Variants in NELL1 observed in about 807,000 individuals in gnomAD.
NELL1 encodes the protein protein kinase C-binding protein NELL1.
In NELL1, 76 loss-of-function variants were observed where a neutral mutation model predicts 107.4. The observed-to-expected ratio is 0.71, with a 90% CI of 0.59 to 0.86. The LOEUF is 0.86. Among genes scored for constraint, NELL1 ranks in the 40% least tolerant of loss-of-function variants. The pLI is 0.00. For missense variants in NELL1, 1,024 were observed against 1,005.5 expected (o/e 1.02, Z -0.25); for synonymous variants, 353 against 341.2 (o/e 1.03, Z -0.38).
At chr11:21,126,289 C>A (rs1008146786) in intron 13 of NELL1, among the ~76,000 whole-genome samples, 8 of 152,124 alleles carry the variant, frequency 5.3e-5, no homozygotes, top group Admixed American at 1.3e-4. Context: ...AGACCAAAAT[C>A]TCAGAAATCA....
chr11:21,522,970 G>A (rs927503856), intron 15 of NELL1, among the ~76,000 whole-genome samples: 16 of 146,738 alleles, frequency 1.1e-4, no homozygotes, highest in African/African-American at 4.0e-4. Context: ...TCAGGCTCCC[G>A]AGTAGCTGGG....
intron 13 of NELL1, among the ~76,000 whole-genome samples, chr11:21,191,947 A>T (rs2133836779): frequency 6.6e-6 from 1 of 152,082 alleles, no homozygotes; most frequent in East Asian, 1.9e-4. Context: ...ATTAGATAAT[A>T]TGTGAAAGAT....
At chr11:21,184,316 T>C (rs995018343) in intron 13 of NELL1, among the ~76,000 whole-genome samples, 3 of 151,844 alleles carry the variant, frequency 2.0e-5, no homozygotes, top group Non-Finnish European at 1.5e-5. Flanking sequence ...TCACCCAGGC[T>C]GGAGTGCAGT....
chr11:21,098,890 G>T (rs1854724123), intron 12 of NELL1, among the ~76,000 whole-genome samples: 1 of 151,810 alleles, frequency 6.6e-6, no homozygotes, highest in African/African-American at 2.4e-5. Context: ...TAACTCTCAG[G>T]CATGTCTCTG....
rs1208230905 is a variant in NELL1, at chr11:20,873,239, GATGTAACCTCA to G, written c.507-12201_507-12191del. Among the ~76,000 whole-genome samples, 8 of 152,256 alleles carry G rather than the reference GATGTAACCTCA, an allele frequency of 5.3e-5. No individual in the cohort carries two copies. In the South Asian group the frequency reaches 6.2e-4, roughly 12 times the overall value. On this transcript the variant is annotated intron_variant, in intron 4 of 19. Coordinates refer to ENST00000357134, the MANE Select transcript of NELL1 (RefSeq NM_006157.5). ...AGATGGGACCGACGACTGTGGCCTT[GATGTAACCTCA>G]ATGGCGCCATCTAGGGAGTGATTTC...
chr11:21,560,493 G>GAGAAGC, intron 17 of NELL1, 111 bp downstream of exon 17: 2 of 959,424 alleles, frequency 2.1e-6, no homozygotes, highest in Non-Finnish European at 1.5e-6. Flanking sequence ...TCCTGAACAG[G>GAGAAGC]CTTCTCCTGT....
intron 1 of NELL1, among the ~76,000 whole-genome samples, chr11:20,670,971 C>T (rs570207385): frequency 6.6e-4 from 100 of 152,392 alleles, no homozygotes; most frequent in Non-Finnish European, 1.3e-3. Flanking sequence ...CGCCCAGGCG[C>T]CCCTCTTTGG....
intron 14 of NELL1, among the ~76,000 whole-genome samples, chr11:21,309,266 A>ACATG (rs1849677217): frequency 2.6e-5 from 1 of 38,080 alleles, no homozygotes; most frequent in South Asian, 1.1e-3. Flanking sequence ...ATATGTATAT[A>ACATG]TATATATATA....
At chr11:21,421,682 G>T (rs1852674966) in intron 15 of NELL1, among the ~76,000 whole-genome samples, 1 of 152,002 alleles carries the variant, frequency 6.6e-6, no homozygotes, top group African/African-American at 2.4e-5. Context: ...CACATTGTGG[G>T]AGTCCCACAA....
At chr11:21,110,053 TTCTC>T (rs1855069217) in intron 12 of NELL1, among the ~76,000 whole-genome samples, 1 of 152,134 alleles carries the variant, frequency 6.6e-6, no homozygotes, top group Non-Finnish European at 1.5e-5. Flanking sequence ...CCACTTCACT[TTCTC>T]TCTCTTCTCC....
chr11:21,300,501 G>C (rs1191192338), intron 14 of NELL1, among the ~76,000 whole-genome samples: 1 of 151,914 alleles, frequency 6.6e-6, no homozygotes, highest in Non-Finnish European at 1.5e-5. Flanking sequence ...GATCACTTTG[G>C]CTGCTGTGTG....
At chr11:20,990,341 C>G (rs1851945597) in intron 12 of NELL1, among the ~76,000 whole-genome samples, 3 of 152,150 alleles carry the variant, frequency 2.0e-5, no homozygotes, top group Admixed American at 2.0e-4. Flanking sequence ...CTGAAGTCTC[C>G]TCACCCAACC....
At chr11:21,180,722 G>T (rs1035392775) in intron 13 of NELL1, among the ~76,000 whole-genome samples, 5 of 151,496 alleles carry the variant, frequency 3.3e-5, no homozygotes, top group Non-Finnish European at 7.4e-5. Flanking sequence ...CTTGTTTCTG[G>T]TGAGTTTCCC....
chr11:21,062,725 C>A (rs1405998878), intron 12 of NELL1, among the ~76,000 whole-genome samples: 1 of 152,188 alleles, frequency 6.6e-6, no homozygotes, highest in Non-Finnish European at 1.5e-5. Context: ...ATTCTTATGG[C>A]CTTCCCTGGG....
At chr11:20,825,320 G>C (rs1032048865) in intron 3 of NELL1, among the ~76,000 whole-genome samples, 2 of 151,232 alleles carry the variant, frequency 1.3e-5, no homozygotes, top group African/African-American at 4.8e-5. Flanking sequence ...GAGGGCAACT[G>C]TCCTCCAGAC....
intron 12 of NELL1, among the ~76,000 whole-genome samples, chr11:21,047,129 A>T (rs1203418441): frequency 6.6e-6 from 1 of 152,116 alleles, no homozygotes; most frequent in African/African-American, 2.4e-5. Context: ...TAACATACCC[A>T]TGAACTTTTA....
At chr11:20,834,566 G>A (rs1283680512) in intron 3 of NELL1, among the ~76,000 whole-genome samples, 2 of 152,008 alleles carry the variant, frequency 1.3e-5, no homozygotes, top group African/African-American at 2.4e-5. Flanking sequence ...AGCTGGGTGT[G>A]GTGGCGGGCA....
At chr11:20,964,055 C>G (rs1564989511) in intron 12 of NELL1, among the ~76,000 whole-genome samples, 1 of 152,174 alleles carries the variant, frequency 6.6e-6, no homozygotes, top group Non-Finnish European at 1.5e-5. Context: ...AGCTATGATA[C>G]AATTCACAGG....
chr11:21,221,311 G>C (rs1432907648), intron 13 of NELL1, among the ~76,000 whole-genome samples: 1 of 152,106 alleles, frequency 6.6e-6, no homozygotes, highest in Non-Finnish European at 1.5e-5. Flanking sequence ...TTTTGCATCT[G>C]TATTAATCAG....
Sources: allele counts gnomAD v4.1 joint callset (sites outside exome capture counted in the v4.1 genomes callset), GRCh38; gene constraint gnomAD v4.1.1; transcripts MANE v1.5; gene names NCBI Gene and HGNC (gene_info 2026-07-23, HGNC 2026-07-21).